The following ASTN2 variants were observed in gnomAD, a reference collection of about 807,000 sequenced individuals.
ASTN2 encodes the protein astrotactin-2.
A neutral mutation model predicts 139.8 loss-of-function variants in ASTN2; 54 were observed. The ratio of observed to expected loss-of-function variants is 0.39; its 90% confidence interval spans 0.31 to 0.48. The LOEUF (loss-of-function observed/expected upper bound fraction) is 0.48. Ranked by LOEUF, ASTN2 falls within the 20% of genes least tolerant of loss-of-function variation. The probability of loss-of-function intolerance (pLI) is 0.95; values close to 1 mark genes in which losing one functional copy is unlikely to be tolerated. For missense variants in ASTN2, 1,565 were observed against 1,725.1 expected, an observed-to-expected ratio of 0.91 and a Z score of 1.64; for synonymous variants, 756 against 719.5, an observed-to-expected ratio of 1.05 and a Z score of -0.81.
chr9:116,530,289 T>A (rs1851288697), intron 19 of ASTN2, among the ~76,000 whole-genome samples: 1 of 151,156 alleles, frequency 6.6e-6, no homozygotes, highest in African/African-American at 2.4e-5. Context: ...ACAAATGAAA[T>A]CTAAAATAGT....
intron 16 of ASTN2, chr9:116,697,654 CT>C: frequency 2.0e-6 from 3 of 1,533,470 alleles, no homozygotes; most frequent in Non-Finnish European, 2.7e-6. Flanking sequence ...GTTTCTTTTT[CT>C]CTTTAGCAGG....
chr9:116,615,296 C>T (rs1463571326), intron 19 of ASTN2, among the ~76,000 whole-genome samples: 1 of 152,186 alleles, frequency 6.6e-6, no homozygotes, highest in East Asian at 1.9e-4. Context: ...ACTAGTTGAA[C>T]CATTGTGGAA....
Position 117,003,940 on chromosome 9 carries a change from A to ACGCG in ASTN2, c.1591+4148_1591+4151dup, listed in dbSNP as rs772588901. On this transcript the variant is annotated intron_variant, in intron 7 of 22. Transcript: ENST00000313400. ...ATATCCTAGAATTTGTGTTTCTTTC[A>ACGCG]CGCGCGCGCGCGCGTGTGTGTGTGT... is the stretch of plus-strand genomic sequence containing the variant. Among the ~76,000 whole-genome samples, 438 of 144,594 alleles carry ACGCG rather than the reference A, an allele frequency of 3.0e-3. 5 individuals carry two copies. The highest frequency in any genetic ancestry group is 0.01 in the African/African-American group (384 of 37,708). The allele number at this position is 144,594 out of a possible 152,430, so 94.9% of individuals were successfully genotyped here.
intron 7 of ASTN2, among the ~76,000 whole-genome samples, chr9:116,988,579 C>T (rs1836748019): frequency 6.6e-6 from 1 of 152,132 alleles, no homozygotes; most frequent in Non-Finnish European, 1.5e-5. Flanking sequence ...GAAACTGAAG[C>T]CGCAAAGTGT....
chr9:116,754,210 T>C (rs1002140191), intron 13 of ASTN2, among the ~76,000 whole-genome samples: 2 of 152,236 alleles, frequency 1.3e-5, no homozygotes, highest in African/African-American at 4.8e-5. Flanking sequence ...CAGTCTATCA[T>C]TGATGGGCAT....
intron 22 of ASTN2, among the ~76,000 whole-genome samples, chr9:116,439,684 AC>A (rs1421653939): frequency 6.6e-6 from 1 of 152,034 alleles, no homozygotes; most frequent in African/African-American, 2.4e-5. Flanking sequence ...TGCTCCAAAT[AC>A]CCATCCTTTT....
At chr9:116,932,561 A>T (rs775646101) in intron 10 of ASTN2, among the ~76,000 whole-genome samples, 6 of 152,094 alleles carry the variant, frequency 3.9e-5, no homozygotes, top group Non-Finnish European at 8.8e-5. Context: ...ACTGCTTCAA[A>T]TGTGGATGGG....
At chr9:116,790,966 GGAAA>G (rs1180188046) in intron 13 of ASTN2, among the ~76,000 whole-genome samples, 4,637 of 65,584 alleles carry the variant, frequency 0.071, 137 homozygotes, top group Non-Finnish European at 0.078. Flanking sequence ...AAAGAAAGAA[GGAAA>G]GAAAGAAAGA....
chr9:117,160,334 T>C (rs369545188), intron 3 of ASTN2, among the ~76,000 whole-genome samples: 4 of 152,162 alleles, frequency 2.6e-5, no homozygotes, highest in South Asian at 2.1e-4. Context: ...TATAGTATTA[T>C]GTGACCTGGA....
intron 10 of ASTN2, among the ~76,000 whole-genome samples, chr9:116,902,255 C>T (rs1834031032): frequency 6.6e-6 from 1 of 151,742 alleles, no homozygotes; most frequent in Admixed American, 6.6e-5. Flanking sequence ...CCTGTGGAAA[C>T]CTAGGCTAAT....
At chr9:117,091,842 T>TA (rs1335502045) in intron 5 of ASTN2, among the ~76,000 whole-genome samples, 1 of 152,144 alleles carries the variant, frequency 6.6e-6, no homozygotes, top group African/African-American at 2.4e-5. Context: ...GATCCCTACT[T>TA]ACATTTGTAA....
At chr9:116,666,771 A>C (rs1368938457) in intron 16 of ASTN2, among the ~76,000 whole-genome samples, 3 of 152,068 alleles carry the variant, frequency 2.0e-5, no homozygotes, top group African/African-American at 7.2e-5. Flanking sequence ...AAATTAAACA[A>C]CACCATGAGG....
chr9:116,931,723 C>A (rs369341510), intron 10 of ASTN2, among the ~76,000 whole-genome samples: 1 of 152,170 alleles, frequency 6.6e-6, no homozygotes, highest in East Asian at 1.9e-4. Context: ...AAAGGGCCAA[C>A]GAGTAAGCAA....
chr9:117,245,827 C>T (rs937779581), intron 2 of ASTN2, among the ~76,000 whole-genome samples: 2 of 152,150 alleles, frequency 1.3e-5, no homozygotes, highest in Admixed American at 6.6e-5. Flanking sequence ...TAGGTCTCTG[C>T]TCTTTAGGTC....
chr9:116,643,332 A>G (rs1029620832), intron 17 of ASTN2, among the ~76,000 whole-genome samples: 2 of 152,168 alleles, frequency 1.3e-5, no homozygotes, highest in Non-Finnish European at 1.5e-5. Context: ...CCTTTCCTGT[A>G]AAGGACTAGA....
intron 11 of ASTN2, among the ~76,000 whole-genome samples, chr9:116,858,526 A>G (rs1832799204): frequency 6.6e-6 from 1 of 152,178 alleles, no homozygotes; most frequent in Non-Finnish European, 1.5e-5. Flanking sequence ...CTTTGTTTTT[A>G]TTCTCTATCT....
At chr9:117,158,775 C>G (rs1588026865) in intron 3 of ASTN2, among the ~76,000 whole-genome samples, 1 of 151,918 alleles carries the variant, frequency 6.6e-6, no homozygotes, top group African/African-American at 2.4e-5. Context: ...AAAATTTATG[C>G]AAATATTTAC....
chr9:117,198,926 T>C (rs1382894259), intron 3 of ASTN2, among the ~76,000 whole-genome samples: 3 of 152,234 alleles, frequency 2.0e-5, no homozygotes, highest in South Asian at 2.1e-4. Context: ...GTTGGCTGCA[T>C]AAATGTCTTT....
intron 1 of ASTN2, among the ~76,000 whole-genome samples, chr9:117,408,778 G>A (rs2130976644): frequency 6.6e-6 from 1 of 152,240 alleles, no homozygotes; most frequent in Non-Finnish European, 1.5e-5. Flanking sequence ...GCTAATGGTT[G>A]AAATGAGCTC....
Sources: allele counts gnomAD v4.1 joint callset (sites outside exome capture counted in the v4.1 genomes callset), GRCh38; gene constraint gnomAD v4.1.1; transcripts MANE v1.5; gene names NCBI Gene and HGNC (gene_info 2026-07-23, HGNC 2026-07-21).